LSAMP: variants seen among roughly 807,000 people sequenced by gnomAD.
LSAMP encodes limbic system-associated membrane protein.
LSAMP carries 7 observed loss-of-function variants against 38.6 expected under a neutral mutation model. That is an observed-to-expected ratio of 0.18 (90% CI 0.10 to 0.34). The LOEUF is 0.34. LSAMP is among the 10% of genes least tolerant of loss of function. The pLI is 1.00. For missense variants in LSAMP, 313 were observed against 420.0 expected, an observed-to-expected ratio of 0.75 and a Z score of 2.23; for synonymous variants, 154 against 166.8, an observed-to-expected ratio of 0.92 and a Z score of 0.59.
chr3:116,048,010 C>A (rs1236703783), intron 2 of LSAMP, among the ~76,000 whole-genome samples: 1 of 152,184 alleles, frequency 6.6e-6, no homozygotes, highest in Admixed American at 6.5e-5. Flanking sequence ...TGCACCTTTA[C>A]CGTTTGATGG....
At chr3:116,083,828 A>G (rs1655632783) in intron 2 of LSAMP, among the ~76,000 whole-genome samples, 1 of 152,188 alleles carries the variant, frequency 6.6e-6, no homozygotes. Flanking sequence ...GTGTGAATGG[A>G]TGGAACCTCT....
chr3:115,844,604 G>T (rs1348012812), intron 4 of LSAMP, among the ~76,000 whole-genome samples: 1 of 152,150 alleles, frequency 6.6e-6, no homozygotes, highest in Non-Finnish European at 1.5e-5. Flanking sequence ...CTCAAATCCA[G>T]GCTCTGTTCC....
chr3:116,129,522 G>A (rs1030888956), intron 1 of LSAMP, among the ~76,000 whole-genome samples: 1 of 152,212 alleles, frequency 6.6e-6, no homozygotes, highest in South Asian at 2.1e-4. Context: ...CCACAGTTAT[G>A]TGAAGGGTAT....
At chr3:115,858,834 C>T (rs140584803) in intron 3 of LSAMP, among the ~76,000 whole-genome samples, 15 of 152,234 alleles carry the variant, frequency 9.9e-5, no homozygotes, top group African/African-American at 2.4e-4. Context: ...AAAAAGATCA[C>T]GAATCAGTGA....
intron 1 of LSAMP, among the ~76,000 whole-genome samples, chr3:116,218,573 G>A (rs568975650): frequency 3.1e-4 from 47 of 152,234 alleles, no homozygotes; most frequent in African/African-American, 1.1e-3. Context: ...AATAATGTAC[G>A]GAGTTCACTG....
chr3:116,075,331 T>C (rs1467831355), intron 2 of LSAMP, among the ~76,000 whole-genome samples: 2 of 151,522 alleles, frequency 1.3e-5, no homozygotes, highest in East Asian at 3.9e-4. Flanking sequence ...AGAGACAGGG[T>C]TTCACTATGT....
At chr3:115,981,156 TAAAAAGA>T (rs1559906962) in intron 3 of LSAMP, among the ~76,000 whole-genome samples, 1 of 152,008 alleles carries the variant, frequency 6.6e-6, no homozygotes. Context: ...AAAATACACT[TAAAAAGA>T]AAAAAGAAAG....
chr3:115,919,492 T>G (rs1937333169), intron 3 of LSAMP, among the ~76,000 whole-genome samples: 2 of 152,176 alleles, frequency 1.3e-5, no homozygotes, highest in South Asian at 4.1e-4. Context: ...AGCATGTATG[T>G]GCATAGGTAA....
intron 1 of LSAMP, among the ~76,000 whole-genome samples, chr3:116,109,681 C>T (rs939810813): frequency 2.0e-5 from 3 of 151,956 alleles, no homozygotes; most frequent in African/African-American, 7.3e-5. Context: ...GAAAATAAGG[C>T]ATTTGGGTTT....
intron 1 of LSAMP, among the ~76,000 whole-genome samples, chr3:116,395,298 A>G (rs2048754540): frequency 6.6e-6 from 1 of 152,192 alleles, no homozygotes; most frequent in Non-Finnish European, 1.5e-5. Flanking sequence ...GCCCCACAAG[A>G]AATAGAGTAG....
chr3:116,329,890 A>G (rs949428138), intron 1 of LSAMP, among the ~76,000 whole-genome samples: 3 of 152,174 alleles, frequency 2.0e-5, no homozygotes, highest in Non-Finnish European at 4.4e-5. Context: ...GGTTTAAAAA[A>G]AATACTGATA....
chr3:116,330,069 T>C (rs1439313767), intron 1 of LSAMP, among the ~76,000 whole-genome samples: 1 of 152,154 alleles, frequency 6.6e-6, no homozygotes, highest in Non-Finnish European at 1.5e-5. Flanking sequence ...TGTTCAGTTA[T>C]TAAAACACGT....
At chr3:115,996,538 CA>C (rs1441211981) in intron 3 of LSAMP, among the ~76,000 whole-genome samples, 1 of 151,808 alleles carries the variant, frequency 6.6e-6, no homozygotes, top group Non-Finnish European at 1.5e-5. Flanking sequence ...TTAAAAAAAA[CA>C]AATGATGTAA....
At chr3:115,972,642 G>GGGTTA in intron 3 of LSAMP, among the ~76,000 whole-genome samples, 1 of 151,288 alleles carries the variant, frequency 6.6e-6, no homozygotes, top group Non-Finnish European at 1.5e-5. Flanking sequence ...AAGGGGTAAA[G>GGGTTA]ATAAAATTAA....
intron 1 of LSAMP, among the ~76,000 whole-genome samples, chr3:116,421,105 T>C (rs1350109680): frequency 6.6e-6 from 1 of 152,134 alleles, no homozygotes; most frequent in Middle Eastern, 3.2e-3. Flanking sequence ...GAATAACTCT[T>C]TGTAATTTGA....
Position 115,803,356 on chromosome 3 carries a change from T to C in LSAMP, c.*6961A>G, listed in dbSNP as rs758756057. 2 of 152,288 alleles carry C rather than the reference T, an allele frequency of 1.3e-5. No homozygotes were observed. Among genetic ancestry groups the C allele is most frequent in the African/African-American group, 2.4e-5 (1 of 41,468 alleles). 9.4% of individuals were successfully genotyped at this position (152,288 alleles called of 1,614,324 possible). A position where few individuals can be genotyped will look rare whatever the true frequency, so the allele number is the denominator to read the frequency against. ...AGTGACTGGAAACTCTGATGCCTTC[T>C]GTTCTTTCAGACAATAAAATCAAAG... On this transcript the variant is annotated 3_prime_UTR_variant, in exon 7 of 7. Transcript: ENST00000490035.
chr3:116,059,254 G>A (rs1248932888), intron 2 of LSAMP, among the ~76,000 whole-genome samples: 2 of 152,124 alleles, frequency 1.3e-5, no homozygotes, highest in Admixed American at 6.5e-5. Flanking sequence ...ATTAGAGGAT[G>A]TTTTGCATCT....
intron 2 of LSAMP, among the ~76,000 whole-genome samples, chr3:116,076,643 G>T (rs919442403): frequency 1.3e-5 from 2 of 152,082 alleles, no homozygotes; most frequent in East Asian, 3.8e-4. Flanking sequence ...AGTTTCAAAA[G>T]CTCCAAAGTA....
At chr3:115,864,329 G>C (rs1006061191) in intron 3 of LSAMP, among the ~76,000 whole-genome samples, 5 of 152,144 alleles carry the variant, frequency 3.3e-5, no homozygotes, top group Admixed American at 6.6e-5. Context: ...TGGGACTAAA[G>C]TTGAGCTAAA....
Sources: allele counts gnomAD v4.1 joint callset (sites outside exome capture counted in the v4.1 genomes callset), GRCh38; gene constraint gnomAD v4.1.1; transcripts MANE v1.5; gene names NCBI Gene and HGNC (gene_info 2026-07-23, HGNC 2026-07-21).